The following NOVA2 variants were observed in gnomAD, a reference collection of about 807,000 sequenced individuals.
The protein encoded by NOVA2 is NOVA alternative splicing regulator 2.
In NOVA2, 9 loss-of-function variants were observed where a neutral mutation model predicts 22.5. The observed-to-expected ratio is 0.40, with a 90% confidence interval of 0.24 to 0.70. The LOEUF (loss-of-function observed/expected upper bound fraction) is 0.70, where lower values mean the gene tolerates loss of function less well. Ranked by LOEUF, NOVA2 falls within the 30% of genes least tolerant of loss-of-function variation. NOVA2 has a pLI of 0.38. For missense variants in NOVA2, 383 were observed against 682.8 expected, an observed-to-expected ratio of 0.56 and a Z score of 4.89; for synonymous variants, 318 against 335.2, an observed-to-expected ratio of 0.95 and a Z score of 0.56.
Position 45,936,535 on chromosome 19 carries a change from G to A in NOVA2, c.*3328C>T, listed in dbSNP as rs1490371845. On this transcript the variant is annotated 3_prime_UTR_variant, in exon 4 of 4. Transcript: ENST00000263257. ...CTATCCAAGGTCCTCTCCCCCCAGA[G>A]CGGCTCAGTTCCAAGGAAGTTTGGC... 1 of 151,810 alleles carries A rather than the reference G, an allele frequency of 6.6e-6. No individual in the cohort carries two copies. The highest frequency in any genetic ancestry group is 1.5e-5 in the Non-Finnish European group (1 of 67,988). The allele number at this position is 151,810 out of a possible 1,614,324, so 9.4% of individuals were successfully genotyped here. A position where few individuals can be genotyped will look rare whatever the true frequency, so the allele number is the denominator to read the frequency against.
At chr19:45,954,855 GGTGTGTGTGTGTGTGTGTGT>G (rs10598680) in intron 2 of NOVA2, among the ~76,000 whole-genome samples, 18 of 144,696 alleles carry the variant, frequency 1.2e-4, no homozygotes, top group African/African-American at 4.6e-4. Flanking sequence ...GCTGGTGAGT[GGTGTGTGTGTGTGTGTGTGT>G]GTGTGTGTGT....
chr19:45,969,837 C>T (rs890741141), intron 1 of NOVA2, among the ~76,000 whole-genome samples: 5 of 152,158 alleles, frequency 3.3e-5, no homozygotes, highest in East Asian at 1.9e-4. Context: ...TTCCTCCCAG[C>T]GGCATCTGCC....
At chr19:45,957,567 G>A (rs2146419644) in intron 2 of NOVA2, among the ~76,000 whole-genome samples, 2 of 151,668 alleles carry the variant, frequency 1.3e-5, no homozygotes, top group African/African-American at 4.8e-5. Context: ...AGCTGGGCCT[G>A]GTGGTGCACA....
chr19:45,958,738 CAT>C (rs1968052325), intron 2 of NOVA2, among the ~76,000 whole-genome samples: 1 of 152,176 alleles, frequency 6.6e-6, no homozygotes, highest in South Asian at 2.1e-4. Context: ...TCATTTCTCA[CAT>C]GTTCTGTCTG....
At chr19:45,952,757 T>C (rs892054613) in intron 3 of NOVA2, among the ~76,000 whole-genome samples, 1 of 152,210 alleles carries the variant, frequency 6.6e-6, no homozygotes. Flanking sequence ...GCGTCCGCGC[T>C]ACACGCCCCA....
chr19:45,962,847 C>T (rs1404803651), intron 1 of NOVA2, among the ~76,000 whole-genome samples: 1 of 152,044 alleles, frequency 6.6e-6, no homozygotes, highest in Non-Finnish European at 1.5e-5. Flanking sequence ...GGGGTTTCGC[C>T]ATGTTGGTCA....
At chr19:45,944,517 C>T (rs533306053) in intron 3 of NOVA2, among the ~76,000 whole-genome samples, 3 of 152,322 alleles carry the variant, frequency 2.0e-5, no homozygotes, top group African/African-American at 2.4e-5. Flanking sequence ...TATAACAAAT[C>T]ACCTTCCTTT....
At chr19:45,946,876 A>G (rs980225478) in intron 3 of NOVA2, among the ~76,000 whole-genome samples, 10 of 151,322 alleles carry the variant, frequency 6.6e-5, no homozygotes, top group African/African-American at 1.9e-4. Context: ...TCCGTCTAAA[A>G]AAAAAAAAAA....
rs866198451 is a variant in NOVA2, at chr19:45,973,326, C to T, written c.26G>A (p.Arg9His). 3.1e-6 allele frequency: 4 copies of T among 1,283,950 alleles called. No homozygotes were observed. Among genetic ancestry groups the T allele is most frequent in the Admixed American group, 3.3e-5 (1 of 29,952 alleles). 79.5% of individuals were successfully genotyped at this position (1,283,950 alleles called of 1,614,324 possible). Residue 9 changes from arginine to histidine, a missense_variant, in exon 1 of 4, where the codon CGC (arginine) becomes CAC (histidine). Coordinates refer to ENST00000263257, the MANE Select transcript of NOVA2 (RefSeq NM_002516.4). Reference sequence around the variant, plus strand: ...GGGGGGCGTTTCGAGGGGCCTCTTGCGGGAATCCGGGGCCTCGGGCTCCAT... The same window carrying T: ...GGGGGGCGTTTCGAGGGGCCTCTTGTGGGAATCCGGGGCCTCGGGCTCCAT... Reference protein sequence around the residue: MEPEAPDSRKRPLETPPEV... With the variant: MEPEAPDSHKRPLETPPEV...
At chr19:45,962,772 G>C (rs1446191332) in intron 1 of NOVA2, among the ~76,000 whole-genome samples, 3 of 151,842 alleles carry the variant, frequency 2.0e-5, no homozygotes, top group African/African-American at 7.3e-5. Flanking sequence ...TCAGACTTCC[G>C]AGTAGCTGGG....
Position 45,938,981 on chromosome 19 carries a change from G to A in NOVA2, c.*882C>T, listed in dbSNP as rs1411527187. On this transcript the variant is annotated 3_prime_UTR_variant, in exon 4 of 4. Coordinates refer to ENST00000263257, the MANE Select transcript of NOVA2 (RefSeq NM_002516.4). The stretch of plus-strand genomic sequence containing the variant: ...CTTATGTTCACAGGAAGTAACCTCT[G>A]AGGAACTGCTTCCTGTGACATCATA... 1 of 152,216 alleles carries A rather than the reference G, an allele frequency of 6.6e-6. No individual in the cohort carries two copies. Among genetic ancestry groups the A allele is most frequent in the African/African-American group, 2.4e-5 (1 of 41,436 alleles). 9.4% of individuals were successfully genotyped at this position (152,216 alleles called of 1,614,324 possible).
rs117916104 is a variant in NOVA2 at position 45,949,613 on chromosome 19, G to T, written c.396+4167C>A. ...CTCTTTTTCCACATCTGTAAAATGGGCATACTATTCCCGATCCATACGATT... is the reference window on the plus strand; with the variant it reads ...CTCTTTTTCCACATCTGTAAAATGGTCATACTATTCCCGATCCATACGATT... On this transcript the variant is annotated intron_variant, in intron 3 of 3. Transcript: ENST00000263257. 8.4e-3 allele frequency among the ~76,000 whole-genome samples: 1,280 copies of T among 152,216 alleles called. 13 individuals are homozygous for T. The highest frequency in any genetic ancestry group is 0.012 in the Non-Finnish European group (839 of 68,022).
At chr19:45,943,776 C>T (rs564457884) in intron 3 of NOVA2, among the ~76,000 whole-genome samples, 106 of 150,660 alleles carry the variant, frequency 7.0e-4, no homozygotes, top group African/African-American at 2.4e-3. Flanking sequence ...ACCCTATCCC[C>T]CCCAAAATAA....
chr19:45,940,560 A>C lies in NOVA2; in HGVS notation c.782T>G (p.Val261Gly). ...GLLGPAGLAG[V>G]GAFPAALPAF... ...GGGCAGCGCGGCGGGAAAGGCCCCC[A>C]CGCCAGCCAGCCCGGCGGGGCCCAG... The change falls in exon 4 of 4, where the codon GTG becomes GGG. Residue 261 changes from valine (V) to glycine (G), a missense_variant. Coordinates refer to ENST00000263257, the MANE Select transcript of NOVA2 (RefSeq NM_002516.4). The C allele has an allele frequency of 1.4e-6, 2 of 1,464,206 alleles. No homozygotes were observed. The allele number at this position is 1,464,206 out of a possible 1,614,324, so 90.7% of individuals were successfully genotyped here. A position where few individuals can be genotyped will look rare whatever the true frequency, so the allele number is the denominator to read the frequency against.
chr19:45,963,137 G>A (rs1167677992), intron 1 of NOVA2, among the ~76,000 whole-genome samples: 1 of 151,996 alleles, frequency 6.6e-6, no homozygotes. Flanking sequence ...CACTGTGGAA[G>A]GCGGAGGCGG....
intron 3 of NOVA2, among the ~76,000 whole-genome samples, chr19:45,944,400 C>A (rs1162826155): frequency 6.6e-6 from 1 of 151,956 alleles, no homozygotes; most frequent in African/African-American, 2.4e-5. Context: ...TGTGATTGTG[C>A]CACTGTACTC....
intron 3 of NOVA2, among the ~76,000 whole-genome samples, chr19:45,942,723 T>G (rs1466028399): frequency 6.6e-6 from 1 of 152,132 alleles, no homozygotes; most frequent in Admixed American, 6.5e-5. Flanking sequence ...CCTTTCTCAG[T>G]TGCAGAGCAG....
chr19:45,954,079 G>T, intron 2 of NOVA2, 133 bp from the exon 3 acceptor site: 2 of 953,854 alleles, frequency 2.1e-6, no homozygotes, highest in Non-Finnish European at 3.1e-6. Context: ...CGGTGAGCCT[G>T]GGGGAGCGGG....
chr19:45,973,373 C>A lies in NOVA2; in HGVS notation c.-22G>T. Reference sequence around the variant, plus strand: ...CCATGGGGGGGGCCTGGGGCGGCGGCTGCTGCTGCTGCGGCGGCTGCGGCG... The same window carrying A: ...CCATGGGGGGGGCCTGGGGCGGCGGATGCTGCTGCTGCGGCGGCTGCGGCG... On this transcript the variant is annotated 5_prime_UTR_variant, in exon 1 of 4. Coordinates refer to ENST00000263257, the MANE Select transcript of NOVA2 (RefSeq NM_002516.4). 1 of 783,908 alleles carries A rather than the reference C, an allele frequency of 1.3e-6. No individual in the cohort carries two copies. The highest frequency in any genetic ancestry group is 1.7e-6 in the Non-Finnish European group (1 of 595,930). The allele number at this position is 783,908 out of a possible 1,614,324, so 48.6% of individuals were successfully genotyped here.
Sources: gnomAD v4.1 joint callset for allele counts (sites outside exome capture counted in the v4.1 genomes callset) on GRCh38, gnomAD v4.1.1 for gene constraint, MANE v1.5 for transcripts, NCBI Gene and HGNC (gene_info 2026-07-23, HGNC 2026-07-21) for gene names.